Variants in NCKAP5 observed in about 807,000 individuals in gnomAD.
NCKAP5 encodes the protein NCK associated protein 5.
NCKAP5 carries 92 observed loss-of-function variants against 167.0 expected under a neutral mutation model. That is an observed-to-expected ratio of 0.55 (90% CI 0.47 to 0.66). The LOEUF is 0.66. NCKAP5 is among the 30% of genes least tolerant of loss of function. The pLI is 0.00. For synonymous variants in NCKAP5, 891 were observed against 877.4 expected, an observed-to-expected ratio of 1.02 and a Z score of -0.27; for missense variants, 2,378 against 2,315.0, an observed-to-expected ratio of 1.03 and a Z score of -0.56.
At chr2:133,660,955 C>CAAAA in the NCKAP5 span, among the ~76,000 whole-genome samples, 4 of 124,774 alleles carry the variant, frequency 3.2e-5, no homozygotes, top group African/African-American at 1.1e-4. Context: ...TACAGGCTTG[C>CAAAA]AAAAAAAAAA....
intron 3 of NCKAP5, among the ~76,000 whole-genome samples, chr2:133,362,156 G>A (rs1235875410): frequency 3.3e-5 from 5 of 152,298 alleles, no homozygotes; most frequent in South Asian, 2.1e-4. Flanking sequence ...AGCCGATGAT[G>A]TAATGCTAAT....
chr2:133,128,395 G>A (rs2082471922), intron 6 of NCKAP5, among the ~76,000 whole-genome samples: 1 of 152,182 alleles, frequency 6.6e-6, no homozygotes, highest in African/African-American at 2.4e-5. Flanking sequence ...TCCCAAGGCT[G>A]TAAATGCACA....
At chr2:133,245,137 G>A (rs1202334928) in intron 4 of NCKAP5, among the ~76,000 whole-genome samples, 1 of 152,054 alleles carries the variant, frequency 6.6e-6, no homozygotes, top group Non-Finnish European at 1.5e-5. Context: ...GTATACCCAA[G>A]AGCCAACAAA....
chr2:133,142,630 C>A (rs2083043100), intron 5 of NCKAP5, among the ~76,000 whole-genome samples: 1 of 152,106 alleles, frequency 6.6e-6, no homozygotes, highest in Non-Finnish European at 1.5e-5. Flanking sequence ...TCCACATGGA[C>A]ACATTAATAT....
the NCKAP5 span, among the ~76,000 whole-genome samples, chr2:133,593,105 G>A: frequency 4.7e-4 from 72 of 152,266 alleles, no homozygotes; most frequent in African/African-American, 1.5e-3. Flanking sequence ...CACTACTACC[G>A]TAATTTTAAA....
At chr2:132,987,665 A>G (rs1346133650) in intron 7 of NCKAP5, among the ~76,000 whole-genome samples, 1 of 152,150 alleles carries the variant, frequency 6.6e-6, no homozygotes, top group Non-Finnish European at 1.5e-5. Flanking sequence ...GGGCTCTTTA[A>G]GAAGGTGGGA....
At chr2:133,167,181 T>C (rs1559216048) in intron 5 of NCKAP5, among the ~76,000 whole-genome samples, 1 of 152,040 alleles carries the variant, frequency 6.6e-6, no homozygotes, top group African/African-American at 2.4e-5. Context: ...TTGGTGAAAA[T>C]AAAAAGTTTA....
chr2:133,052,570 T>G (rs1001315670), intron 6 of NCKAP5, among the ~76,000 whole-genome samples: 1 of 151,828 alleles, frequency 6.6e-6, no homozygotes, highest in African/African-American at 2.4e-5. Flanking sequence ...GTACAAAAAT[T>G]AGTTGGGTGT....
At chr2:133,053,648 A>C (rs1389859053) in intron 6 of NCKAP5, among the ~76,000 whole-genome samples, 2 of 152,078 alleles carry the variant, frequency 1.3e-5, no homozygotes, top group Non-Finnish European at 2.9e-5. Context: ...TTCCCTTACC[A>C]TTGCTACTCT....
intron 5 of NCKAP5, among the ~76,000 whole-genome samples, chr2:133,204,487 T>G (rs1381328210): frequency 1.3e-5 from 2 of 152,242 alleles, no homozygotes; most frequent in African/African-American, 4.8e-5. Context: ...TCATTTTAAC[T>G]GCTGGATATT....
intron 5 of NCKAP5, among the ~76,000 whole-genome samples, chr2:133,190,836 A>G (rs1228301461): frequency 6.6e-6 from 1 of 152,224 alleles, no homozygotes; most frequent in Non-Finnish European, 1.5e-5. Flanking sequence ...AAACCTAGGC[A>G]ATACCATTCA....
At chr2:132,992,247 C>T (rs558112570) in intron 7 of NCKAP5, among the ~76,000 whole-genome samples, 7 of 152,276 alleles carry the variant, frequency 4.6e-5, no homozygotes, top group South Asian at 4.1e-4. Flanking sequence ...TTTCCCAAAA[C>T]GAATAGACTG....
At position 133,401,234 on chromosome 2, in the gene NCKAP5, C is replaced by T. The variant is rs1318402486; in HGVS notation, c.70-98124G>A. On this transcript the variant is annotated intron_variant, in intron 3 of 19. Coordinates refer to ENST00000409261, the MANE Select transcript of NCKAP5 (RefSeq NM_207363.3). Reference sequence around the variant, plus strand: ...TGAGGTTCTGGCAGGTTGGTGCCTCCGGAGAGAGCATAGAAACTCCATTCC... The same window carrying T: ...TGAGGTTCTGGCAGGTTGGTGCCTCTGGAGAGAGCATAGAAACTCCATTCC... Among the ~76,000 whole-genome samples the T allele has an allele frequency of 5.3e-5, 8 of 152,306 alleles. No individual in the cohort carries two copies. In the Middle Eastern group the frequency reaches 0.01, roughly 194 times the overall value.
intron 3 of NCKAP5, among the ~76,000 whole-genome samples, chr2:133,350,068 T>C (rs994114481): frequency 6.6e-6 from 1 of 152,176 alleles, no homozygotes; most frequent in African/African-American, 2.4e-5. Context: ...TCCTATCAAC[T>C]AAACTCAGAG....
intron 6 of NCKAP5, among the ~76,000 whole-genome samples, chr2:132,996,329 T>C (rs2077598244): frequency 6.6e-6 from 1 of 152,220 alleles, no homozygotes; most frequent in African/African-American, 2.4e-5. Context: ...ATACTACATG[T>C]TATAATCTTG....
At chr2:133,226,604 A>AACACAC (rs3051222) in intron 4 of NCKAP5, among the ~76,000 whole-genome samples, 2,046 of 139,238 alleles carry the variant, frequency 0.015, 29 homozygotes, top group African/African-American at 0.03. Flanking sequence ...TTTGAAGATA[A>AACACAC]ACACACACAC....
the NCKAP5 span, among the ~76,000 whole-genome samples, chr2:133,620,782 T>C: frequency 1.3e-5 from 2 of 152,126 alleles, no homozygotes; most frequent in African/African-American, 4.8e-5. Context: ...TTAACAGATA[T>C]TTGCAGAACA....
chr2:133,280,938 C>G (rs371603379), intron 4 of NCKAP5, among the ~76,000 whole-genome samples: 2 of 152,252 alleles, frequency 1.3e-5, no homozygotes, highest in African/African-American at 2.4e-5. Context: ...AAATATTGCC[C>G]TCTTACAAGA....
At chr2:133,648,185 C>T in the NCKAP5 span, among the ~76,000 whole-genome samples, 1 of 151,726 alleles carries the variant, frequency 6.6e-6, no homozygotes, top group African/African-American at 2.4e-5. Context: ...GAATAGATAA[C>T]AATCATGTTA....
Sources: allele counts gnomAD v4.1 joint callset (sites outside exome capture counted in the v4.1 genomes callset), GRCh38; gene constraint gnomAD v4.1.1; transcripts MANE v1.5; gene names NCBI Gene and HGNC (gene_info 2026-07-23, HGNC 2026-07-21).